The following RNFT2 variants were observed in gnomAD, a reference collection of about 807,000 sequenced individuals.
RNFT2 encodes ring finger protein, transmembrane 2.
In RNFT2, 36 loss-of-function variants were observed where a neutral mutation model predicts 53.0. That is an observed-to-expected ratio of 0.68 (90% CI 0.52 to 0.90). The LOEUF (loss-of-function observed/expected upper bound fraction) is 0.90, where lower values mean the gene tolerates loss of function less well. RNFT2 is among the 40% of genes least tolerant of loss of function. RNFT2 has a pLI of 0.00. For synonymous variants in RNFT2, 260 were observed against 253.2 expected, an observed-to-expected ratio of 1.03 and a Z score of -0.26; for missense variants, 514 against 585.6, an observed-to-expected ratio of 0.88 and a Z score of 1.26.
intron 6 of RNFT2, among the ~76,000 whole-genome samples, chr12:116,778,258 T>C (rs1339619634): frequency 1.3e-5 from 2 of 152,124 alleles, no homozygotes; most frequent in Admixed American, 6.6e-5. Context: ...TCCCCAATGA[T>C]GTTGGGAGGT....
chr12:116,774,099 G>A (rs4767451), intron 6 of RNFT2, among the ~76,000 whole-genome samples: 131,625 of 152,230 alleles, frequency 0.86, 57,592 homozygotes, highest in Non-Finnish European at 0.94. Context: ...AAAGTAGTCA[G>A]ATTTATAGAC....
At chr12:116,745,612 AACCACCGTGTCCC>A (rs1391083471) in intron 3 of RNFT2, among the ~76,000 whole-genome samples, 3 of 152,156 alleles carry the variant, frequency 2.0e-5, no homozygotes, top group African/African-American at 7.2e-5. Flanking sequence ...CAGCCAGGGA[AACCACCGTGTCCC>A]ACTGCTGTGT....
At chr12:116,844,466 ACCT>A (rs1877505736) in intron 10 of RNFT2, among the ~76,000 whole-genome samples, 1 of 152,044 alleles carries the variant, frequency 6.6e-6, no homozygotes, top group Non-Finnish European at 1.5e-5. Flanking sequence ...TCAACTCCTG[ACCT>A]CGTGATCTGC....
chr12:116,849,626 C>T lies in RNFT2; in HGVS notation c.*178C>T, dbSNP rs1278667911. ...CCTTCTGACCTTCATCTTCCTCTCT[C>T]GTTCTGTGGTATAGTGCGTGCCTCC... On this transcript the variant is annotated 3_prime_UTR_variant, in exon 11 of 11. Coordinates refer to ENST00000257575, the MANE Select transcript of RNFT2 (RefSeq NM_001382266.1). 21 of 1,390,310 alleles carry T rather than the reference C, an allele frequency of 1.5e-5. 1 individual carries two copies. The highest frequency in any genetic ancestry group is 2.9e-5 in the African/African-American group (2 of 69,142). The allele number at this position is 1,390,310 out of a possible 1,614,324, so 86.1% of individuals were successfully genotyped here. A position where few individuals can be genotyped will look rare whatever the true frequency, so the allele number is the denominator to read the frequency against.
At chr12:116,773,587 C>T (rs1873294508) in intron 6 of RNFT2, among the ~76,000 whole-genome samples, 1 of 152,130 alleles carries the variant, frequency 6.6e-6, no homozygotes. Flanking sequence ...GTCGCAGAGT[C>T]CAGTGGGGAT....
intron 10 of RNFT2, among the ~76,000 whole-genome samples, chr12:116,845,243 C>CA (rs66920809): frequency 0.012 from 977 of 82,722 alleles, 14 homozygotes; most frequent in African/African-American, 0.04. Flanking sequence ...GACCCGGTTT[C>CA]AAAAAAAAAA....
At chr12:116,832,536 A>G (rs1194210300) in intron 7 of RNFT2, among the ~76,000 whole-genome samples, 1 of 152,142 alleles carries the variant, frequency 6.6e-6, no homozygotes, top group African/African-American at 2.4e-5. Context: ...ATTGGCATAC[A>G]TGTGGACATA....
At chr12:116,825,096 T>G (rs974868655) in intron 7 of RNFT2, among the ~76,000 whole-genome samples, 1 of 152,204 alleles carries the variant, frequency 6.6e-6, no homozygotes, top group African/African-American at 2.4e-5. Context: ...ATGCGTCAGC[T>G]GCAATGGCAG....
Position 116,766,799 on chromosome 12 carries a change from T to C in RNFT2, c.628-15T>C, listed in dbSNP as rs1171016504. ...ATGCACCTTTGATATCACATATCTC[T>C]TGCTTTGTCTTCAGGAGAAGAGGTC... On this transcript the variant is annotated splice_polypyrimidine_tract_variant and intron_variant, in intron 5 of 10. Coordinates refer to ENST00000257575, the MANE Select transcript of RNFT2 (RefSeq NM_001382266.1). 2 of 1,569,192 alleles carry C rather than the reference T, an allele frequency of 1.3e-6. No homozygotes were observed. The highest frequency in any genetic ancestry group is 1.7e-6 in the Non-Finnish European group (2 of 1,154,154).
At chr12:116,780,394 T>G (rs1488998574) in intron 7 of RNFT2, among the ~76,000 whole-genome samples, 1 of 152,158 alleles carries the variant, frequency 6.6e-6, no homozygotes. Flanking sequence ...ATCCCTCACA[T>G]GTGCAGTTCA....
intron 5 of RNFT2, among the ~76,000 whole-genome samples, chr12:116,758,315 C>G (rs1872580015): frequency 6.6e-6 from 1 of 152,226 alleles, no homozygotes; most frequent in Non-Finnish European, 1.5e-5. Flanking sequence ...AGGCCACTTA[C>G]ATTCAATGTT....
At chr12:116,808,058 G>C (rs1203065472) in intron 7 of RNFT2, among the ~76,000 whole-genome samples, 1 of 152,040 alleles carries the variant, frequency 6.6e-6, no homozygotes, top group African/African-American at 2.4e-5. Flanking sequence ...CCGCCTCCCA[G>C]GTTCAAGTCG....
At chr12:116,824,026 G>A (rs957280717) in intron 7 of RNFT2, among the ~76,000 whole-genome samples, 1 of 152,086 alleles carries the variant, frequency 6.6e-6, no homozygotes, top group Non-Finnish European at 1.5e-5. Flanking sequence ...CTTTGCCATT[G>A]TGCTTGCTCA....
intron 7 of RNFT2, among the ~76,000 whole-genome samples, chr12:116,821,509 A>G (rs904488827): frequency 6.6e-6 from 1 of 152,134 alleles, no homozygotes; most frequent in Non-Finnish European, 1.5e-5. Flanking sequence ...CCAGGACAAC[A>G]TGTCTTTGTT....
In RNFT2 at chr12:116,851,697, C is replaced by T; in HGVS notation, c.*2249C>T. 1 of 667,566 alleles carries T rather than the reference C, an allele frequency of 1.5e-6. No homozygotes were observed. Among genetic ancestry groups the T allele is most frequent in the South Asian group, 1.7e-5 (1 of 59,454 alleles). 41.4% of individuals were successfully genotyped at this position (667,566 alleles called of 1,614,324 possible). ...TGAAAGTTGCAGTGAGCCGAGATTG[C>T]ACCACAGCACTCCAACCTGGGTGAC... is the stretch of plus-strand genomic sequence containing the variant. On this transcript the variant is annotated 3_prime_UTR_variant, in exon 11 of 11. Coordinates refer to ENST00000257575, the MANE Select transcript of RNFT2 (RefSeq NM_001382266.1).
intron 7 of RNFT2, among the ~76,000 whole-genome samples, chr12:116,789,061 T>C (rs1216094800): frequency 6.8e-6 from 1 of 146,456 alleles, no homozygotes; most frequent in Non-Finnish European, 1.5e-5. Flanking sequence ...GATGGATGGA[T>C]GGGTGGATGG....
chr12:116,834,180 G>T (rs1031056471), intron 8 of RNFT2, among the ~76,000 whole-genome samples: 1 of 151,922 alleles, frequency 6.6e-6, no homozygotes, highest in Non-Finnish European at 1.5e-5. Flanking sequence ...GTTCGGTAGC[G>T]CAGTCTCGGC....
chr12:116,778,824 T>C (rs939613191), intron 6 of RNFT2, among the ~76,000 whole-genome samples: 5 of 152,352 alleles, frequency 3.3e-5, no homozygotes, highest in Admixed American at 1.3e-4. Flanking sequence ...CACTCCAGCC[T>C]GGGAGACGGA....
rs776918331 is a variant in RNFT2, at chr12:116,779,192, C to T, written c.729-3C>T. On this transcript the variant is annotated splice_polypyrimidine_tract_variant and splice_region_variant and intron_variant, in intron 6 of 10. Transcript: ENST00000257575. ...CTTCTGACTCTCTCAATCCTCCCCC[C>T]AGCCTCATATTCCTGAAGCCCAACC... 6.2e-7 allele frequency: 1 copy of T among 1,614,002 alleles called. No individual in the cohort carries two copies. Among genetic ancestry groups the T allele is most frequent in the South Asian group, 1.1e-5 (1 of 91,082 alleles).
Sources: gnomAD v4.1 joint callset for allele counts (sites outside exome capture counted in the v4.1 genomes callset) on GRCh38, gnomAD v4.1.1 for gene constraint, MANE v1.5 for transcripts, NCBI Gene and HGNC (gene_info 2026-07-23, HGNC 2026-07-21) for gene names.